The following FOXP1 variants were observed in gnomAD, a reference collection of about 807,000 sequenced individuals.
FOXP1 encodes forkhead box P1, also known as forkhead box protein P1.
FOXP1 carries 15 observed loss-of-function variants against 98.2 expected under a neutral mutation model. That is an observed-to-expected ratio of 0.15 (90% CI 0.10 to 0.24). FOXP1 has a LOEUF of 0.24. Among genes scored for constraint, FOXP1 ranks in the 10% least tolerant of loss-of-function variants. The pLI, the probability that FOXP1 is intolerant of heterozygous loss-of-function variation, is 1.00. For missense variants in FOXP1, 633 were observed against 848.5 expected (o/e 0.75, Z 3.15); for synonymous variants, 371 against 314.5 (o/e 1.18, Z -1.90).
intron 6 of FOXP1, among the ~76,000 whole-genome samples, chr3:71,171,207 G>A (rs1245174838): frequency 6.6e-6 from 1 of 151,878 alleles, no homozygotes. Flanking sequence ...CATCGTGAGG[G>A]TTAAAGCTAT....
Position 71,406,403 on chromosome 3 carries a change from G to GTATATATATATATATATATATATATA in FOXP1, c.-167-47160_-167-47159insTATATATATATATATATATATATATA, listed in dbSNP as rs112681983. On this transcript the variant is annotated intron_variant, in intron 3 of 20. Coordinates refer to ENST00000649528, the MANE Select transcript of FOXP1 (RefSeq NM_001349338.3). ...TTTAATTGACACATAATAACTGTAT[G>GTATATATATATATATATATATATATA]TGTATATATATATATATATATGGTA... Among the ~76,000 whole-genome samples the GTATATATATATATATATATATATATA allele has an allele frequency of 2.9e-3, 316 of 107,768 alleles. 12 individuals carry two copies. Among genetic ancestry groups the GTATATATATATATATATATATATATA allele is most frequent in the Non-Finnish European group, 5.4e-3 (247 of 46,048 alleles). 70.7% of individuals were successfully genotyped at this position (107,768 alleles called of 152,430 possible). A position where few individuals can be genotyped will look rare whatever the true frequency, so the allele number is the denominator to read the frequency against.
chr3:71,195,248 C>G (rs1181335733), intron 6 of FOXP1, among the ~76,000 whole-genome samples: 1 of 152,234 alleles, frequency 6.6e-6, no homozygotes, highest in Non-Finnish European at 1.5e-5. Context: ...ACAAAACTCA[C>G]TATGGAACTA....
At chr3:71,541,472 G>A (rs1247689434) in intron 2 of FOXP1, among the ~76,000 whole-genome samples, 1 of 152,022 alleles carries the variant, frequency 6.6e-6, no homozygotes, top group Non-Finnish European at 1.5e-5. Flanking sequence ...AGATATGCTG[G>A]AGATCAGGTT....
intron 2 of FOXP1, among the ~76,000 whole-genome samples, chr3:71,521,549 G>C (rs1252028908): frequency 6.6e-6 from 1 of 151,456 alleles, no homozygotes; most frequent in Admixed American, 6.6e-5. Context: ...GCAGGGGGAG[G>C]GGGGGGACCT....
At chr3:71,000,530 C>T (rs2041983294) in intron 13 of FOXP1, among the ~76,000 whole-genome samples, 1 of 152,084 alleles carries the variant, frequency 6.6e-6, no homozygotes, top group African/African-American at 2.4e-5. Context: ...TCTTCATTCA[C>T]ATTCATTCTC....
At chr3:71,077,521 T>A (rs2053923481) in intron 7 of FOXP1, among the ~76,000 whole-genome samples, 1 of 152,124 alleles carries the variant, frequency 6.6e-6, no homozygotes, top group Non-Finnish European at 1.5e-5. Context: ...GGAACGCACA[T>A]ACACACGAGG....
chr3:71,424,901 T>A (rs1202057342), intron 3 of FOXP1, among the ~76,000 whole-genome samples: 1 of 151,902 alleles, frequency 6.6e-6, no homozygotes, highest in Non-Finnish European at 1.5e-5. Context: ...ACAAGCCAAC[T>A]GTAAGAGGTA....
intron 1 of FOXP1, 141 bp from the exon 2 acceptor site, chr3:71,581,838 C>G (rs907229322): frequency 1.0e-6 from 1 of 986,034 alleles, no homozygotes; most frequent in Admixed American, 6.1e-5. Context: ...CGCGAGTGCG[C>G]GTGGAGGGAA....
intron 2 of FOXP1, among the ~76,000 whole-genome samples, chr3:71,558,694 T>TA (rs1202033639): frequency 6.7e-6 from 1 of 149,688 alleles, no homozygotes; most frequent in Non-Finnish European, 1.5e-5. Flanking sequence ...GGGGTTTCAC[T>TA]ATGTTGGCCA....
At chr3:70,985,596 G>A (rs1403774795) in intron 14 of FOXP1, among the ~76,000 whole-genome samples, 2 of 152,074 alleles carry the variant, frequency 1.3e-5, no homozygotes, top group African/African-American at 4.8e-5. Flanking sequence ...TGCTTGTCAG[G>A]CACCAATTTT....
At chr3:71,137,205 A>G (rs1014776917) in intron 6 of FOXP1, among the ~76,000 whole-genome samples, 5 of 152,210 alleles carry the variant, frequency 3.3e-5, no homozygotes, top group South Asian at 2.1e-4. Flanking sequence ...ACCTTCTCAA[A>G]GAGAAGTGAA....
At chr3:71,267,614 C>T (rs1233628084) in intron 5 of FOXP1, among the ~76,000 whole-genome samples, 2 of 152,320 alleles carry the variant, frequency 1.3e-5, no homozygotes, top group South Asian at 2.1e-4. Flanking sequence ...GCAAAAGACA[C>T]AACAGGTAAG....
intron 3 of FOXP1, among the ~76,000 whole-genome samples, chr3:71,432,378 C>T (rs887144328): frequency 5.3e-5 from 8 of 152,190 alleles, no homozygotes; most frequent in African/African-American, 1.9e-4. Context: ...CCCTGCCTCA[C>T]CACCCCTGAA....
chr3:71,566,201 C>G (rs958374010), intron 2 of FOXP1, among the ~76,000 whole-genome samples: 1 of 152,226 alleles, frequency 6.6e-6, no homozygotes, highest in African/African-American at 2.4e-5. Context: ...TAGGGAGTGA[C>G]AGTTGGCAAA....
intron 6 of FOXP1, among the ~76,000 whole-genome samples, chr3:71,175,764 T>C (rs182761691): frequency 6.6e-6 from 1 of 152,350 alleles, no homozygotes; most frequent in Admixed American, 6.5e-5. Flanking sequence ...GTTTGACTTG[T>C]AGGTTATGAA....
rs796975001 is a variant in FOXP1, at chr3:70,955,642, C to T, written c.*3605G>A. On this transcript the variant is annotated 3_prime_UTR_variant, in exon 21 of 21. Transcript: ENST00000649528. ...TGTTAATCACTACTTCACTGATAAA[C>T]TTGGAAAAGTGTGACCCTGGAATTT... 2 of 232,146 alleles carry T rather than the reference C, an allele frequency of 8.6e-6. No homozygotes were observed. Among genetic ancestry groups the T allele is most frequent in the African/African-American group, 4.4e-5 (2 of 45,164 alleles). 14.4% of individuals were successfully genotyped at this position (232,146 alleles called of 1,614,324 possible).
chr3:71,352,999 A>G (rs961962620), intron 4 of FOXP1, among the ~76,000 whole-genome samples: 1 of 152,184 alleles, frequency 6.6e-6, no homozygotes. Context: ...TTGTGTCACC[A>G]TTAATGACTG....
intron 3 of FOXP1, among the ~76,000 whole-genome samples, chr3:71,408,726 T>C (rs1348746759): frequency 6.6e-6 from 1 of 152,184 alleles, no homozygotes; most frequent in African/African-American, 2.4e-5. Context: ...TTGCTCTAAA[T>C]GGGTAAGTAG....
At chr3:71,222,063 G>T (rs1480092815) in intron 5 of FOXP1, among the ~76,000 whole-genome samples, 1 of 152,178 alleles carries the variant, frequency 6.6e-6, no homozygotes, top group Non-Finnish European at 1.5e-5. Context: ...TGAGGCAAGA[G>T]AATCGCTTGA....
Sources: gnomAD v4.1 joint callset for allele counts (sites outside exome capture counted in the v4.1 genomes callset) on GRCh38, gnomAD v4.1.1 for gene constraint, MANE v1.5 for transcripts, NCBI Gene and HGNC (gene_info 2026-07-23, HGNC 2026-07-21) for gene names.